The following INPP4B variants were observed in gnomAD, a reference collection of about 807,000 sequenced individuals.
The protein encoded by INPP4B is inositol polyphosphate 4-phosphatase type II.
Under a neutral mutation model 122.5 loss-of-function variants are expected in INPP4B, and 55 were observed. The observed-to-expected ratio is 0.45, with a 90% CI of 0.36 to 0.56. The LOEUF (loss-of-function observed/expected upper bound fraction) is 0.56, where lower values mean the gene tolerates loss of function less well. Ranked by LOEUF, INPP4B falls within the 20% of genes least tolerant of loss-of-function variation. INPP4B has a pLI of 0.00. For missense variants in INPP4B, 1,000 were observed against 1,097.7 expected (o/e 0.91, Z 1.26); for synonymous variants, 403 against 388.7 (o/e 1.04, Z -0.43).
intron 7 of INPP4B, among the ~76,000 whole-genome samples, chr4:142,332,331 C>A (rs1464900649): frequency 6.6e-6 from 1 of 152,078 alleles, no homozygotes; most frequent in Non-Finnish European, 1.5e-5. Flanking sequence ...GAGGTAACTA[C>A]AGCTAGACAT....
At chr4:142,390,149 T>C (rs1188284873) in intron 7 of INPP4B, among the ~76,000 whole-genome samples, 2 of 152,178 alleles carry the variant, frequency 1.3e-5, no homozygotes, top group East Asian at 1.9e-4. Flanking sequence ...CTGATTAAGA[T>C]AGATACATTT....
At chr4:142,264,818 T>A (rs1430623671) in intron 10 of INPP4B, among the ~76,000 whole-genome samples, 2 of 152,140 alleles carry the variant, frequency 1.3e-5, no homozygotes, top group Non-Finnish European at 2.9e-5. Context: ...TATTTGGAGA[T>A]AAGGGCCTAT....
At chr4:142,088,807 T>C (rs995580583) in intron 23 of INPP4B, among the ~76,000 whole-genome samples, 1 of 152,212 alleles carries the variant, frequency 6.6e-6, no homozygotes, top group East Asian at 1.9e-4. Context: ...AGAACCTAAA[T>C]TCTTACGATA....
At chr4:142,737,477 A>G (rs1325279748) in intron 1 of INPP4B, among the ~76,000 whole-genome samples, 4 of 152,176 alleles carry the variant, frequency 2.6e-5, no homozygotes, top group Non-Finnish European at 4.4e-5. Context: ...TGGATTAAAG[A>G]CTTACATGTT....
At chr4:142,305,797 A>T (rs1763137205) in intron 8 of INPP4B, 1 of 1,234,284 alleles carries the variant, frequency 8.1e-7, no homozygotes, top group Admixed American at 4.1e-5. Context: ...TACAGCACCC[A>T]GAGTTGTTTC....
intron 2 of INPP4B, among the ~76,000 whole-genome samples, chr4:142,613,183 G>T (rs896478200): frequency 1.3e-5 from 2 of 152,126 alleles, no homozygotes; most frequent in African/African-American, 4.8e-5. Context: ...GTCTTTAACT[G>T]TCAATCTACA....
At chr4:142,358,597 C>T (rs1579837775) in intron 7 of INPP4B, among the ~76,000 whole-genome samples, 10 of 145,862 alleles carry the variant, frequency 6.9e-5, no homozygotes, top group Admixed American at 6.4e-4. Context: ...GGCTATACCC[C>T]GGAATGATTA....
intron 2 of INPP4B, among the ~76,000 whole-genome samples, chr4:142,633,702 A>C (rs1175796434): frequency 6.6e-6 from 1 of 152,188 alleles, no homozygotes; most frequent in Non-Finnish European, 1.5e-5. Flanking sequence ...AGGAACTCAA[A>C]AAGAGGTAAA....
intron 18 of INPP4B, among the ~76,000 whole-genome samples, chr4:142,126,078 A>G (rs769908023): frequency 1.3e-5 from 2 of 152,144 alleles, no homozygotes; most frequent in African/African-American, 2.4e-5. Flanking sequence ...GGTATGATAT[A>G]GAAACAATTT....
At chr4:142,340,678 A>G (rs1778401549) in intron 7 of INPP4B, among the ~76,000 whole-genome samples, 1 of 152,126 alleles carries the variant, frequency 6.6e-6, no homozygotes, top group South Asian at 2.1e-4. Flanking sequence ...TTCCCAAAGT[A>G]CTGGGATTAC....
At chr4:142,726,583 T>C (rs888065059) in intron 1 of INPP4B, among the ~76,000 whole-genome samples, 4 of 152,196 alleles carry the variant, frequency 2.6e-5, no homozygotes, top group Admixed American at 6.5e-5. Context: ...ATTATCTAAA[T>C]GTTCAGATTG....
intron 2 of INPP4B, among the ~76,000 whole-genome samples, chr4:142,553,856 C>G (rs115983911): frequency 6.6e-6 from 1 of 152,096 alleles, no homozygotes; most frequent in Non-Finnish European, 1.5e-5. Context: ...GTGTTCATTT[C>G]TCAATGAATG....
chr4:142,620,410 A>C (rs2150369592), intron 2 of INPP4B, among the ~76,000 whole-genome samples: 1 of 152,068 alleles, frequency 6.6e-6, no homozygotes, highest in Non-Finnish European at 1.5e-5. Flanking sequence ...GGAACAGAAA[A>C]CCAAATACTG....
rs147259589 is a variant in INPP4B at position 142,220,878 on chromosome 4, C to T, written c.837-11852G>A. On this transcript the variant is annotated intron_variant, in intron 12 of 25. Transcript: ENST00000262992. ...TACTCCCTGGTGTTTCCCTGTGTACCCTCATTTCCTCCTATATGAACATCA... is the reference window on the plus strand; with the variant it reads ...TACTCCCTGGTGTTTCCCTGTGTACTCTCATTTCCTCCTATATGAACATCA... Among the ~76,000 whole-genome samples, 53 of 152,098 alleles carry T rather than the reference C, an allele frequency of 3.5e-4. 1 individual carries two copies. The highest frequency in any genetic ancestry group is 1.1e-3 in the African/African-American group (47 of 41,502).
chr4:142,700,739 G>C (rs6830053), intron 2 of INPP4B, among the ~76,000 whole-genome samples: 97,564 of 151,830 alleles, frequency 0.64, 32,301 homozygotes, highest in East Asian at 0.81. Context: ...CTTAGAAGTA[G>C]GTCACATGAC....
intron 2 of INPP4B, among the ~76,000 whole-genome samples, chr4:142,701,261 A>T (rs1761723512): frequency 6.6e-6 from 1 of 152,108 alleles, no homozygotes; most frequent in Non-Finnish European, 1.5e-5. Flanking sequence ...TTTGGTCTCC[A>T]TACTGGTTAG....
intron 2 of INPP4B, among the ~76,000 whole-genome samples, chr4:142,641,894 AG>A (rs1246123345): frequency 1.3e-5 from 2 of 152,178 alleles, no homozygotes; most frequent in African/African-American, 4.8e-5. Context: ...ACAGTGTAAA[AG>A]TGTTCCTATT....
chr4:142,204,452 A>G (rs1579279170), intron 14 of INPP4B, among the ~76,000 whole-genome samples: 1 of 152,084 alleles, frequency 6.6e-6, no homozygotes, highest in East Asian at 1.9e-4. Flanking sequence ...TTGTACCCTA[A>G]TCTGTAACAT....
intron 2 of INPP4B, among the ~76,000 whole-genome samples, chr4:142,701,390 G>GCCACATGGAT (rs1761742282): frequency 6.6e-6 from 1 of 151,692 alleles, no homozygotes. Context: ...TTAAAGGAAT[G>GCCACATGGAT]CCACATGGAT....
Sources: gnomAD v4.1 joint callset for allele counts (sites outside exome capture counted in the v4.1 genomes callset) on GRCh38, gnomAD v4.1.1 for gene constraint, MANE v1.5 for transcripts, NCBI Gene and HGNC (gene_info 2026-07-23, HGNC 2026-07-21) for gene names.